CEP112: variants seen among roughly 807,000 people sequenced by gnomAD.
The protein encoded by CEP112 is centrosomal protein 112.
CEP112 carries 127 observed loss-of-function variants against 153.0 expected under a neutral mutation model. The observed-to-expected ratio is 0.83, with a 90% confidence interval of 0.72 to 0.96. CEP112 has a LOEUF of 0.96. Ranked by LOEUF, CEP112 falls within the 40% of genes least tolerant of loss-of-function variation. The pLI is 0.00. For synonymous variants in CEP112, 358 were observed against 374.4 expected (o/e 0.96, Z 0.51); for missense variants, 1,089 against 1,101.2 (o/e 0.99, Z 0.16).
chr17:65,650,061 G>T (rs2045660362), intron 24 of CEP112, among the ~76,000 whole-genome samples: 2 of 152,192 alleles, frequency 1.3e-5, no homozygotes, highest in African/African-American at 4.8e-5. Context: ...AGAGTCACCT[G>T]GCCTCTGGAA....
At chr17:65,667,888 C>A (rs1419351602) in intron 24 of CEP112, among the ~76,000 whole-genome samples, 2 of 138,958 alleles carry the variant, frequency 1.4e-5, no homozygotes, top group African/African-American at 5.7e-5. Context: ...CTGCGCCACT[C>A]CCTTGGGCAC....
Position 66,020,242 on chromosome 17 carries a change from G to A in CEP112, c.1656+7259C>T, listed in dbSNP as rs115021960. Among the ~76,000 whole-genome samples, 345 of 152,284 alleles carry A rather than the reference G, an allele frequency of 2.3e-3. 1 individual carries two copies. The highest frequency in any genetic ancestry group is 8.0e-3 in the African/African-American group (334 of 41,552). On this transcript the variant is annotated intron_variant, in intron 16 of 26. Transcript: ENST00000535342. The stretch of plus-strand genomic sequence containing the variant: ...AGGATACTGATGCCTTATACAGGAA[G>A]CAAGGATTATGAAAAAGTATGTCCA...
At chr17:66,053,612 G>C in intron 12 of CEP112, 124 bp downstream of exon 12, 2 of 907,196 alleles carry the variant, frequency 2.2e-6, no homozygotes, top group Non-Finnish European at 3.3e-6. Flanking sequence ...GGAGTAGGAA[G>C]GTAAAGTTTT....
chr17:66,181,732 A>G (rs867178683), intron 2 of CEP112, among the ~76,000 whole-genome samples: 1 of 152,232 alleles, frequency 6.6e-6, no homozygotes, highest in African/African-American at 2.4e-5. Flanking sequence ...AAATTTTAAT[A>G]CAAATGTTTC....
At chr17:66,019,745 A>G (rs1005988111) in intron 16 of CEP112, among the ~76,000 whole-genome samples, 26 of 152,210 alleles carry the variant, frequency 1.7e-4, no homozygotes, top group African/African-American at 5.3e-4. Flanking sequence ...GAATCACTGT[A>G]GTTATGACAC....
intron 21 of CEP112, among the ~76,000 whole-genome samples, chr17:65,755,497 T>G (rs1426897659): frequency 6.6e-6 from 1 of 152,022 alleles, no homozygotes; most frequent in Admixed American, 6.6e-5. Context: ...GGTTTCAGTA[T>G]AGGAGAAATA....
chr17:65,673,293 C>A (rs144470650), intron 24 of CEP112, among the ~76,000 whole-genome samples: 1 of 152,118 alleles, frequency 6.6e-6, no homozygotes, highest in Non-Finnish European at 1.5e-5. Flanking sequence ...GTGGCAATGG[C>A]GCAATGGTTC....
chr17:66,149,512 A>G (rs2146667874), intron 4 of CEP112, among the ~76,000 whole-genome samples: 1 of 152,284 alleles, frequency 6.6e-6, no homozygotes, highest in Admixed American at 6.5e-5. Flanking sequence ...TCTGCTTACT[A>G]AAGGTCTGTT....
chr17:65,950,048 G>A (rs549538628), intron 18 of CEP112, among the ~76,000 whole-genome samples: 24 of 152,178 alleles, frequency 1.6e-4, no homozygotes, highest in African/African-American at 5.8e-4. Flanking sequence ...AGCCTTAGAA[G>A]TAGAATCAAC....
intron 16 of CEP112, among the ~76,000 whole-genome samples, chr17:66,021,099 C>T (rs2064983039): frequency 6.6e-6 from 1 of 152,068 alleles, no homozygotes; most frequent in South Asian, 2.1e-4. Context: ...CCTCCCAAGC[C>T]CTGGATATAA....
intron 24 of CEP112, among the ~76,000 whole-genome samples, chr17:65,657,190 A>T (rs1017544473): frequency 6.6e-6 from 1 of 152,204 alleles, no homozygotes; most frequent in Non-Finnish European, 1.5e-5. Flanking sequence ...TGAGATAGTC[A>T]ATGACTCATG....
At chr17:65,956,414 A>G (rs1159594904) in intron 18 of CEP112, among the ~76,000 whole-genome samples, 2 of 132,620 alleles carry the variant, frequency 1.5e-5, no homozygotes, top group Non-Finnish European at 3.2e-5. Flanking sequence ...ATACATACAC[A>G]CACACACACA....
chr17:65,856,249 T>C (rs1310036673), intron 20 of CEP112, among the ~76,000 whole-genome samples: 1 of 152,062 alleles, frequency 6.6e-6, no homozygotes, highest in Non-Finnish European at 1.5e-5. Context: ...GATGGTAAGA[T>C]TGAAGAACTC....
rs117708190 is a variant in CEP112, at chr17:66,001,274, C to A, written c.1736+4416G>T. Among the ~76,000 whole-genome samples, 847 of 152,284 alleles carry A rather than the reference C, an allele frequency of 5.6e-3. 4 individuals are homozygous for A. Among genetic ancestry groups the A allele is most frequent in the Non-Finnish European group, 7.8e-3 (528 of 68,024 alleles). Reference sequence around the variant, plus strand: ...TATGTCTTCTTTTGAAAAGTCTATTCATGTCCTTTGCCCACTTTTTAATGG... The same window carrying A: ...TATGTCTTCTTTTGAAAAGTCTATTAATGTCCTTTGCCCACTTTTTAATGG... On this transcript the variant is annotated intron_variant, in intron 17 of 26. Coordinates refer to ENST00000535342, the MANE Select transcript of CEP112 (RefSeq NM_001199165.4).
intron 21 of CEP112, among the ~76,000 whole-genome samples, chr17:65,850,362 A>G (rs1421523298): frequency 6.6e-6 from 1 of 151,898 alleles, no homozygotes; most frequent in Non-Finnish European, 1.5e-5. Context: ...TGGCTTGGGA[A>G]AATAGCCTTG....
chr17:65,899,443 C>T (rs928976636), intron 20 of CEP112, among the ~76,000 whole-genome samples: 1 of 152,108 alleles, frequency 6.6e-6, no homozygotes, highest in Non-Finnish European at 1.5e-5. Flanking sequence ...GAGACTACTT[C>T]ATTGTTCTTG....
chr17:66,160,049 C>A (rs1854405841), intron 4 of CEP112, among the ~76,000 whole-genome samples: 1 of 152,110 alleles, frequency 6.6e-6, no homozygotes, highest in African/African-American at 2.4e-5. Flanking sequence ...ACACCAATAA[C>A]AGACAAACAG....
At chr17:65,656,585 T>C (rs1567819001) in intron 24 of CEP112, among the ~76,000 whole-genome samples, 1 of 152,238 alleles carries the variant, frequency 6.6e-6, no homozygotes, top group Non-Finnish European at 1.5e-5. Flanking sequence ...ATTTGTTTAC[T>C]TATTGTCTGT....
chr17:66,190,478 G>A (rs1020395788), intron 1 of CEP112, among the ~76,000 whole-genome samples: 1 of 151,996 alleles, frequency 6.6e-6, no homozygotes, highest in Non-Finnish European at 1.5e-5. Flanking sequence ...TTTGGCTTAG[G>A]CTTAGAGTAA....
Sources: allele counts gnomAD v4.1 joint callset (sites outside exome capture counted in the v4.1 genomes callset), GRCh38; gene constraint gnomAD v4.1.1; transcripts MANE v1.5; gene names NCBI Gene and HGNC (gene_info 2026-07-23, HGNC 2026-07-21).